The following TMEM117 variants were observed in gnomAD, a reference collection of about 807,000 sequenced individuals.
The protein encoded by TMEM117 is transmembrane protein 117.
In TMEM117, 27 loss-of-function variants were observed where a neutral mutation model predicts 52.4. That is an observed-to-expected ratio of 0.51 (90% CI 0.38 to 0.71). The LOEUF (loss-of-function observed/expected upper bound fraction) is 0.71. TMEM117 is among the 30% of genes least tolerant of loss of function. TMEM117 has a pLI of 0.00. For missense variants in TMEM117, 556 were observed against 630.5 expected (o/e 0.88, Z 1.26); for synonymous variants, 215 against 206.3 (o/e 1.04, Z -0.36).
intron 6 of TMEM117, among the ~76,000 whole-genome samples, chr12:44,362,350 T>C (rs186857678): frequency 9.2e-5 from 14 of 152,232 alleles, no homozygotes; most frequent in Admixed American, 8.5e-4. Flanking sequence ...CTTCTCCCAA[T>C]CCTTATCGTG....
At chr12:44,202,514 A>T (rs28654762) in intron 4 of TMEM117, among the ~76,000 whole-genome samples, 1 of 152,170 alleles carries the variant, frequency 6.6e-6, no homozygotes, top group African/African-American at 2.4e-5. Flanking sequence ...GTGGCGGATT[A>T]GCTTTTTGAT....
At chr12:43,804,129 T>A in the TMEM117 span, 3 of 344,054 alleles carry the variant, frequency 8.7e-6, no homozygotes, top group African/African-American at 6.5e-5. Context: ...AAAAACAAAC[T>A]TAATTGAATA....
At chr12:44,097,402 A>G (rs1947785473) in intron 3 of TMEM117, among the ~76,000 whole-genome samples, 1 of 117,198 alleles carries the variant, frequency 8.5e-6, no homozygotes, top group African/African-American at 3.8e-5. Flanking sequence ...GCTGCAATAA[A>G]GAGACATGCA....
At chr12:43,970,061 C>G (rs945417931) in intron 3 of TMEM117, among the ~76,000 whole-genome samples, 9 of 152,218 alleles carry the variant, frequency 5.9e-5, no homozygotes, top group African/African-American at 2.2e-4. Context: ...TTGATGAACT[C>G]TTGTGCCATC....
chr12:44,149,379 A>C (rs186134213), intron 4 of TMEM117, among the ~76,000 whole-genome samples: 8 of 152,342 alleles, frequency 5.3e-5, no homozygotes, highest in Admixed American at 3.9e-4. Flanking sequence ...TCAAGGGTCA[A>C]TATTCATTTA....
intron 3 of TMEM117, among the ~76,000 whole-genome samples, chr12:44,007,771 A>G (rs1214819652): frequency 6.6e-6 from 1 of 152,136 alleles, no homozygotes; most frequent in East Asian, 1.9e-4. Flanking sequence ...AAGTCTCATG[A>G]GATCTGATGG....
chr12:44,375,549 T>C lies in TMEM117; in HGVS notation c.769-1046T>C, dbSNP rs190687113. 1.4e-3 allele frequency among the ~76,000 whole-genome samples: 215 copies of C among 152,274 alleles called. 2 individuals are homozygous for C. The highest frequency in any genetic ancestry group is 1.0e-3 in the South Asian group (5 of 4,824). On this transcript the variant is annotated intron_variant, in intron 6 of 7. Coordinates refer to ENST00000266534, the MANE Select transcript of TMEM117 (RefSeq NM_032256.3). ...TAGACATGGAAACCTCTAAAAAGTTTAGGCACTATATTACTAGCACATCCC... is the reference window on the plus strand; with the variant it reads ...TAGACATGGAAACCTCTAAAAAGTTCAGGCACTATATTACTAGCACATCCC...
At chr12:44,123,918 T>G (rs1240617576) in intron 3 of TMEM117, among the ~76,000 whole-genome samples, 1 of 152,152 alleles carries the variant, frequency 6.6e-6, no homozygotes, top group Non-Finnish European at 1.5e-5. Context: ...TTTAAAATTG[T>G]TTTTTTCTAA....
chr12:43,865,692 G>A (rs753205699), intron 2 of TMEM117, among the ~76,000 whole-genome samples: 44 of 148,200 alleles, frequency 3.0e-4, no homozygotes, highest in Middle Eastern at 3.2e-3. Context: ...ACGAGACTCC[G>A]TCCCAAAAAA....
At chr12:43,846,069 G>T (rs1943202829) in intron 2 of TMEM117, among the ~76,000 whole-genome samples, 1 of 151,964 alleles carries the variant, frequency 6.6e-6, no homozygotes, top group Admixed American at 6.6e-5. Flanking sequence ...GTTCATTCAG[G>T]GAGTTGGAAC....
chr12:44,363,234 G>A (rs1365462390), intron 6 of TMEM117, among the ~76,000 whole-genome samples: 1 of 152,112 alleles, frequency 6.6e-6, no homozygotes, highest in Non-Finnish European at 1.5e-5. Flanking sequence ...ATTGCAAAAT[G>A]AGAAAAATAA....
intron 5 of TMEM117, among the ~76,000 whole-genome samples, chr12:44,215,160 T>C (rs1949699310): frequency 6.6e-6 from 1 of 152,240 alleles, no homozygotes; most frequent in African/African-American, 2.4e-5. Flanking sequence ...TAAGTTGCAA[T>C]GTGACTATGC....
chr12:44,348,222 A>G (rs1401660161), intron 6 of TMEM117, among the ~76,000 whole-genome samples: 1 of 151,862 alleles, frequency 6.6e-6, no homozygotes, highest in African/African-American at 2.4e-5. Context: ...CTGGTTTAAG[A>G]TATAAAGGAA....
At chr12:43,808,600 C>G in the TMEM117 span, among the ~76,000 whole-genome samples, 1 of 152,018 alleles carries the variant, frequency 6.6e-6, no homozygotes, top group East Asian at 1.9e-4. Context: ...ATGAATGAAG[C>G]TAATAAATGG....
chr12:44,090,839 GTTTTTTTTTGT>G (rs760670908), intron 3 of TMEM117, among the ~76,000 whole-genome samples: 3,873 of 104,770 alleles, frequency 0.037, 76 homozygotes, highest in Admixed American at 0.047. Context: ...GTATTTATGT[GTTTTTTTTTGT>G]TTTTTTTTTT....
At position 44,130,359 on chromosome 12, in the gene TMEM117, A is replaced by G. The variant is rs7959917; in HGVS notation, c.411-13166A>G. Among the ~76,000 whole-genome samples, 1,137 of 152,286 alleles carry G rather than the reference A, an allele frequency of 7.5e-3. 17 individuals carry two copies. Among genetic ancestry groups the G allele is most frequent in the African/African-American group, 0.026 (1,084 of 41,560 alleles). Reference sequence around the variant, plus strand: ...AAGCTGCCCTCTGGCTGTCCTAGTGATAAACCTCTCCCTTCCCTCCAAAGT... The same window carrying G: ...AAGCTGCCCTCTGGCTGTCCTAGTGGTAAACCTCTCCCTTCCCTCCAAAGT... On this transcript the variant is annotated intron_variant, in intron 3 of 7. Coordinates refer to ENST00000266534, the MANE Select transcript of TMEM117 (RefSeq NM_032256.3).
intron 2 of TMEM117, among the ~76,000 whole-genome samples, chr12:43,868,514 T>G (rs1193759627): frequency 6.6e-6 from 1 of 151,300 alleles, no homozygotes; most frequent in Non-Finnish European, 1.5e-5. Context: ...ATGGTGCCAC[T>G]GCACTCCAGC....
intron 3 of TMEM117, among the ~76,000 whole-genome samples, chr12:43,946,929 C>A (rs1945142980): frequency 6.6e-6 from 1 of 152,150 alleles, no homozygotes; most frequent in Non-Finnish European, 1.5e-5. Flanking sequence ...GAACTCTTCA[C>A]CATTATGCCT....
intron 3 of TMEM117, among the ~76,000 whole-genome samples, chr12:44,045,311 C>T (rs1017754480): frequency 3.3e-5 from 5 of 152,160 alleles, no homozygotes; most frequent in Admixed American, 2.0e-4. Flanking sequence ...TGATATGGCA[C>T]CATTCTTCGG....
Sources: gnomAD v4.1 joint callset for allele counts (sites outside exome capture counted in the v4.1 genomes callset) on GRCh38, gnomAD v4.1.1 for gene constraint, MANE v1.5 for transcripts, NCBI Gene and HGNC (gene_info 2026-07-23, HGNC 2026-07-21) for gene names.